Variants in APOL4 observed in about 807,000 individuals in gnomAD.
APOL4 encodes apolipoprotein L4, also known as apolipoprotein L, 4.
In APOL4, 14 loss-of-function variants were observed where a neutral mutation model predicts 12.1. That is an observed-to-expected ratio of 1.16 (90% CI 0.76 to 1.81). The LOEUF is 1.81. Among genes scored for constraint, APOL4 ranks in the 40% most tolerant of loss-of-function variants. The pLI is 0.00. For synonymous variants in APOL4, 171 were observed against 160.6 expected (o/e 1.06, Z -0.49); for missense variants, 432 against 423.1 (o/e 1.02, Z -0.18).
In APOL4 at chr22:36,190,232, A is replaced by G. The variant is rs1329617547; in HGVS notation, c.*843T>C. 1 of 151,908 alleles carries G rather than the reference A, an allele frequency of 6.6e-6. No individual in the cohort carries two copies. Among genetic ancestry groups the G allele is most frequent in the African/African-American group, 2.4e-5 (1 of 41,310 alleles). 9.4% of individuals were successfully genotyped at this position (151,908 alleles called of 1,614,324 possible). On this transcript the variant is annotated 3_prime_UTR_variant, in exon 4 of 4. Transcript: ENST00000683024. ...TGAATAGGGTGTGGGTGTGGGTCAC[A>G]AAGATCACCTACTTCACAAGGTAAT...
upstream of APOL4, chr22:36,202,184 G>T: frequency 7.8e-7 from 1 of 1,283,916 alleles, no homozygotes; most frequent in Non-Finnish European, 1.1e-6. Flanking sequence ...CTAGCTCATT[G>T]CTGCCTAGAT....
intron 1 of APOL4, among the ~76,000 whole-genome samples, chr22:36,200,527 G>C (rs1486380691): frequency 6.6e-6 from 1 of 152,204 alleles, no homozygotes; most frequent in African/African-American, 2.4e-5. Context: ...GCGCTGCCCT[G>C]TTCCCTCTGC....
intron 3 of APOL4, among the ~76,000 whole-genome samples, chr22:36,194,574 A>G (rs2014350224): frequency 6.6e-6 from 1 of 152,036 alleles, no homozygotes; most frequent in Non-Finnish European, 1.5e-5. Context: ...AGTTCATTCT[A>G]AGGCCTTCAC....
chr22:36,199,106 C>T (rs529117415), intron 2 of APOL4, among the ~76,000 whole-genome samples: 5 of 152,318 alleles, frequency 3.3e-5, no homozygotes, highest in African/African-American at 1.2e-4. Flanking sequence ...GGGCCATGAC[C>T]CGCTGAGGAG....
upstream of APOL4, among the ~76,000 whole-genome samples, chr22:36,202,398 T>C (rs557563127): frequency 4.7e-4 from 72 of 152,232 alleles, no homozygotes; most frequent in Non-Finnish European, 8.1e-4. Context: ...GCTTCAGCTA[T>C]AGTGCTTTCT....
In APOL4 at chr22:36,201,440, C is replaced by T. The variant is rs1569531521; in HGVS notation, c.35+260G>A. The stretch of plus-strand genomic sequence containing the variant: ...CACACAGATGTCTGTCTTCTGGGGC[C>T]CCCATGCAACAAGGGTAAAAGGGGG... On this transcript the variant is annotated intron_variant, in intron 1 of 3. Transcript: ENST00000683024. 4 of 936,682 alleles carry T rather than the reference C, an allele frequency of 4.3e-6. No homozygotes were observed. In the East Asian group the frequency reaches 1.3e-4, roughly 30 times the overall value. The allele number at this position is 936,682 out of a possible 1,614,324, so 58.0% of individuals were successfully genotyped here. A position where few individuals can be genotyped will look rare whatever the true frequency, so the allele number is the denominator to read the frequency against.
chr22:36,202,080 G>A (rs975137830), upstream of APOL4: 2 of 1,613,444 alleles, frequency 1.2e-6, no homozygotes, highest in African/African-American at 1.3e-5. Flanking sequence ...GAGGGGTTGA[G>A]ACAGTGTGCT....
rs1360060173 is a variant in APOL4 at position 36,190,343 on chromosome 22, G to A, written c.*732C>T. 1 of 152,194 alleles carries A rather than the reference G, an allele frequency of 6.6e-6. No homozygotes were observed. Among genetic ancestry groups the A allele is most frequent in the Non-Finnish European group, 1.5e-5 (1 of 68,036 alleles). 9.4% of individuals were successfully genotyped at this position (152,194 alleles called of 1,614,324 possible). ...ATTAAAATTGCTAATGAGGTTTCGG[G>A]CACCATTGTCATTGATAACATCTTA... On this transcript the variant is annotated 3_prime_UTR_variant, in exon 4 of 4. Coordinates refer to ENST00000683024, the MANE Select transcript of APOL4 (RefSeq NM_001386885.1).
chr22:36,195,776 T>TCTCACACA (rs1300442097), intron 2 of APOL4, among the ~76,000 whole-genome samples: 120 of 97,040 alleles, frequency 1.2e-3, no homozygotes, highest in African/African-American at 4.1e-3. Context: ...TCTCTCTCTC[T>TCTCACACA]CACACACACA....
intron 2 of APOL4, among the ~76,000 whole-genome samples, chr22:36,198,536 G>A (rs1365847849): frequency 6.6e-6 from 1 of 152,186 alleles, no homozygotes; most frequent in East Asian, 1.9e-4. Context: ...AGATAAAGAG[G>A]TGCTTGTGAC....
upstream of APOL4, among the ~76,000 whole-genome samples, chr22:36,203,357 C>A (rs2014639285): frequency 6.6e-6 from 1 of 152,092 alleles, no homozygotes; most frequent in Non-Finnish European, 1.5e-5. Flanking sequence ...GATTTAGGGT[C>A]ATTTGATTAC....
upstream of APOL4, chr22:36,202,056 C>T: frequency 6.2e-7 from 1 of 1,613,992 alleles, no homozygotes; most frequent in Non-Finnish European, 8.5e-7. Context: ...GGGCCTCCTC[C>T]TTGGGCAGGA....
chr22:36,193,537 A>G (rs911658219), intron 3 of APOL4, among the ~76,000 whole-genome samples: 2 of 152,190 alleles, frequency 1.3e-5, no homozygotes, highest in Non-Finnish European at 2.9e-5. Flanking sequence ...ATAAACCACA[A>G]TCGTGCAATA....
chr22:36,203,066 T>C (rs564513757), upstream of APOL4, among the ~76,000 whole-genome samples: 1 of 152,356 alleles, frequency 6.6e-6, no homozygotes, highest in African/African-American at 2.4e-5. Flanking sequence ...TTGAATCTCA[T>C]GATTACAAAG....
intron 2 of APOL4, among the ~76,000 whole-genome samples, chr22:36,196,008 T>C (rs994424867): frequency 2.0e-5 from 3 of 152,180 alleles, no homozygotes; most frequent in Non-Finnish European, 4.4e-5. Flanking sequence ...AGAAGAGTGA[T>C]TCACCAGGGA....
chr22:36,195,515 T>C, intron 2 of APOL4, 78 bp from the exon 3 acceptor site: 3 of 1,518,402 alleles, frequency 2.0e-6, no homozygotes, highest in South Asian at 2.4e-5. Flanking sequence ...GGTGGTTCGG[T>C]GTTAATCCTC....
rs753663527 is a variant in APOL4, at chr22:36,195,366, G to C, written c.154C>G (p.Leu52Val). 6.2e-7 allele frequency: 1 copy of C among 1,613,844 alleles called. No homozygotes were observed. Among genetic ancestry groups the C allele is most frequent in the African/African-American group, 1.3e-5 (1 of 74,904 alleles). Reference sequence around the variant, plus strand: ...TTCCAGGCTTCATCGCTAGTCAGCAGGATTTTCAGATGCACTGGGCTAACT... The same window carrying C: ...TTCCAGGCTTCATCGCTAGTCAGCACGATTTTCAGATGCACTGGGCTAACT... The part of the protein sequence containing the change: ...KKVSPVHLKI[L>V]LTSDEAWKRF... Residue 52 changes from leucine (L) to valine (V), a missense_variant, in exon 3 of 4, where the codon CTG (leucine) becomes GTG (valine). Leu to Val is a conservative substitution (Grantham distance 32). Transcript: ENST00000683024.
At chr22:36,194,667 A>C (rs1004541976) in intron 3 of APOL4, among the ~76,000 whole-genome samples, 1 of 152,138 alleles carries the variant, frequency 6.6e-6, no homozygotes, top group Non-Finnish European at 1.5e-5. Flanking sequence ...ACAGCCCCAG[A>C]GCTGTGCAGG....
chr22:36,195,776 T>TCACACACA (rs577893547), intron 2 of APOL4, among the ~76,000 whole-genome samples: 17 of 97,068 alleles, frequency 1.8e-4, no homozygotes, highest in African/African-American at 6.0e-4. Flanking sequence ...TCTCTCTCTC[T>TCACACACA]CACACACACA....
Sources: gnomAD v4.1 joint callset for allele counts (sites outside exome capture counted in the v4.1 genomes callset) on GRCh38, gnomAD v4.1.1 for gene constraint, MANE v1.5 for transcripts, NCBI Gene and HGNC (gene_info 2026-07-23, HGNC 2026-07-21) for gene names.